The following CDH18 variants were observed in gnomAD, a reference collection of about 807,000 sequenced individuals.
CDH18 encodes the protein cadherin 18.
Under a neutral mutation model 67.9 loss-of-function variants are expected in CDH18, and 31 were observed. That is an observed-to-expected ratio of 0.46 (90% CI 0.34 to 0.62). The LOEUF is 0.62. CDH18 is among the 20% of genes least tolerant of loss of function. The probability of loss-of-function intolerance (pLI) is 0.01; values close to 1 mark genes in which losing one functional copy is unlikely to be tolerated. For missense variants in CDH18, 890 were observed against 975.5 expected, an observed-to-expected ratio of 0.91 and a Z score of 1.17; for synonymous variants, 362 against 347.2, an observed-to-expected ratio of 1.04 and a Z score of -0.48.
chr5:19,771,547 C>T (rs114773822), intron 3 of CDH18, among the ~76,000 whole-genome samples: 1,538 of 152,288 alleles, frequency 0.01, 12 homozygotes, highest in Non-Finnish European at 0.016. Flanking sequence ...CCAGCTAACA[C>T]CTTGATCACA....
chr5:19,714,849 T>C (rs1030429527), intron 5 of CDH18, among the ~76,000 whole-genome samples: 2 of 152,052 alleles, frequency 1.3e-5, no homozygotes, highest in Admixed American at 1.3e-4. Flanking sequence ...GAATGATAAG[T>C]GAGGACATAC....
rs1292504070 is a variant in CDH18, at chr5:20,476,017, C to T, written c.-580+99445G>A. Among the ~76,000 whole-genome samples, 4 of 152,280 alleles carry T rather than the reference C, an allele frequency of 2.6e-5. No homozygotes were observed. In the East Asian group the frequency reaches 7.7e-4, roughly 29 times the overall value. On this transcript the variant is annotated intron_variant, in intron 1 of 14. Transcript: ENST00000507958. ...AGAAGAACACCATAAGATGTGCCAA[C>T]TATTGATCTCAACTACTCTCTGTCT...
chr5:20,312,692 T>C (rs1307397816), intron 1 of CDH18, among the ~76,000 whole-genome samples: 1 of 152,144 alleles, frequency 6.6e-6, no homozygotes, highest in East Asian at 1.9e-4. Context: ...TTTTAATAAT[T>C]TGATCAAAAT....
At chr5:20,464,433 G>C (rs1238560726) in intron 1 of CDH18, among the ~76,000 whole-genome samples, 1 of 149,700 alleles carries the variant, frequency 6.7e-6, no homozygotes, top group African/African-American at 2.5e-5. Context: ...GTAAGATTTT[G>C]TTCATTGAGA....
At chr5:20,301,924 C>T (rs1005423412) in intron 1 of CDH18, among the ~76,000 whole-genome samples, 2 of 150,496 alleles carry the variant, frequency 1.3e-5, no homozygotes. Context: ...AACATAATCT[C>T]AACTACTTTA....
At chr5:20,039,674 T>TA (rs1474165893) in intron 2 of CDH18, among the ~76,000 whole-genome samples, 2 of 152,164 alleles carry the variant, frequency 1.3e-5, no homozygotes, top group Non-Finnish European at 2.9e-5. Context: ...ATCCCTTCCT[T>TA]ACACCTTATA....
intron 2 of CDH18, among the ~76,000 whole-genome samples, chr5:19,857,257 A>C (rs1389646621): frequency 3.3e-5 from 5 of 152,136 alleles, no homozygotes; most frequent in Non-Finnish European, 5.9e-5. Flanking sequence ...ACTAAAAAAA[A>C]AAAAAAAAGT....
intron 2 of CDH18, among the ~76,000 whole-genome samples, chr5:20,008,433 G>C: frequency 6.6e-6 from 1 of 152,118 alleles, no homozygotes; most frequent in East Asian, 1.9e-4. Context: ...AAAATTATGA[G>C]AGCTGGTCTT....
chr5:19,806,807 AC>A (rs1331530354), intron 3 of CDH18, among the ~76,000 whole-genome samples: 1 of 152,202 alleles, frequency 6.6e-6, no homozygotes, highest in African/African-American at 2.4e-5. Flanking sequence ...CCAGTTGCTC[AC>A]AGAGAAGCAA....
chr5:19,988,757 A>C (rs1345128187), upstream of CDH18, among the ~76,000 whole-genome samples: 2 of 152,120 alleles, frequency 1.3e-5, no homozygotes, highest in Admixed American at 1.3e-4. Flanking sequence ...CCTGCTAAAC[A>C]TTCAACTGCT....
At chr5:19,979,882 C>T (rs1188792094) in intron 2 of CDH18, among the ~76,000 whole-genome samples, 1 of 152,046 alleles carries the variant, frequency 6.6e-6, no homozygotes. Flanking sequence ...GAAAGCATTC[C>T]CTCTGAGAAC....
chr5:19,623,621 G>T (rs368043293), intron 5 of CDH18, among the ~76,000 whole-genome samples: 22 of 151,932 alleles, frequency 1.4e-4, no homozygotes, highest in Middle Eastern at 3.4e-3. Context: ...GTTTAAATGA[G>T]TTCAAAAGAT....
chr5:20,004,500 C>T (rs1736729334), intron 2 of CDH18, among the ~76,000 whole-genome samples: 1 of 152,140 alleles, frequency 6.6e-6, no homozygotes. Flanking sequence ...CTATTGTCTT[C>T]ACTCATTAAT....
chr5:20,152,600 C>A (rs1291207370), intron 2 of CDH18, among the ~76,000 whole-genome samples: 1 of 152,012 alleles, frequency 6.6e-6, no homozygotes, highest in East Asian at 1.9e-4. Context: ...AAGTTATCTC[C>A]TCACAGAGGG....
intron 3 of CDH18, among the ~76,000 whole-genome samples, chr5:19,789,005 C>T (rs1001646277): frequency 2.6e-5 from 4 of 152,152 alleles, no homozygotes; most frequent in Non-Finnish European, 5.9e-5. Flanking sequence ...GAGGGAAGAG[C>T]CGCCTATACA....
chr5:19,630,799 A>G (rs975078495), intron 5 of CDH18, among the ~76,000 whole-genome samples: 1 of 152,066 alleles, frequency 6.6e-6, no homozygotes, highest in African/African-American at 2.4e-5. Context: ...GAGTTATTTA[A>G]AATTTGAAGA....
chr5:19,987,395 T>G (rs886131209), intron 1 of CDH18, among the ~76,000 whole-genome samples: 2 of 152,088 alleles, frequency 1.3e-5, no homozygotes, highest in African/African-American at 4.8e-5. Context: ...GAATGAGAGT[T>G]AACAAACATA....
intron 1 of CDH18, among the ~76,000 whole-genome samples, chr5:20,336,548 C>T (rs1031203452): frequency 9.9e-5 from 15 of 151,616 alleles, no homozygotes; most frequent in Admixed American, 9.9e-4. Context: ...TGTTGAAACC[C>T]CGTCTATACT....
intron 2 of CDH18, among the ~76,000 whole-genome samples, chr5:20,184,372 T>C (rs775863430): frequency 6.6e-6 from 1 of 152,116 alleles, no homozygotes. Context: ...TCACTGTAAC[T>C]TTCTCTTACA....
Sources: allele counts gnomAD v4.1 joint callset (sites outside exome capture counted in the v4.1 genomes callset), GRCh38; gene constraint gnomAD v4.1.1; transcripts MANE v1.5; gene names NCBI Gene and HGNC (gene_info 2026-07-23, HGNC 2026-07-21).